OGG1: variants seen among roughly 807,000 people sequenced by gnomAD.
OGG1 encodes the protein 8-oxoguanine DNA glycosylase, also known as N-glycosylase/DNA lyase.
A neutral mutation model predicts 42.3 loss-of-function variants in OGG1; 35 were observed. The observed-to-expected ratio is 0.83, with a 90% CI of 0.63 to 1.10. OGG1 has a LOEUF of 1.10. Ranked by LOEUF, OGG1 falls within the 50% of genes least tolerant of loss-of-function variation. The pLI is 0.00. For missense variants in OGG1, 484 were observed against 446.7 expected (o/e 1.08, Z -0.75); for synonymous variants, 189 against 179.0 (o/e 1.06, Z -0.44).
chr3:9,787,810 T>C, exon 4 of OGG1: 1 of 918,060 alleles, frequency 1.1e-6, no homozygotes, highest in South Asian at 1.4e-5. Flanking sequence ...ACTGACTAAC[T>C]TTCTGCTGGG....
At chr3:9,777,394 G>GT (rs1460755485) in intron 2 of OGG1, among the ~76,000 whole-genome samples, 4 of 152,200 alleles carry the variant, frequency 2.6e-5, no homozygotes, top group Admixed American at 1.3e-4. Flanking sequence ...TGATATGATT[G>GT]TAAGAACTCT....
At position 9,751,833 on chromosome 3, in the gene OGG1, A is replaced by C; in HGVS notation, c.449A>C (p.Asn150Thr). 4 of 1,614,216 alleles carry C rather than the reference A, an allele frequency of 2.5e-6. No individual in the cohort carries two copies. The highest frequency in any genetic ancestry group is 3.4e-6 in the Non-Finnish European group (4 of 1,180,044). Residue 150 changes from asparagine to threonine, a missense_variant, in exon 3 of 7, where the codon AAC becomes ACC. Physicochemically the swap from Asn to Thr is moderately conservative, Grantham distance 65 (BLOSUM62 0). Transcript: ENST00000344629. ...CLFSFICSSNNNIARITGMVE... is the reference protein window; with the variant it reads ...CLFSFICSSNTNIARITGMVE... The stretch of plus-strand genomic sequence containing the variant: ...TTCTCTTTTATCTGTTCCTCCAACA[A>C]CAACATCGCCCGCATCACTGGCATG...
chr3:9,789,772 A>C, downstream of OGG1: 1 of 1,614,206 alleles, frequency 6.2e-7, no homozygotes, highest in South Asian at 1.1e-5. Flanking sequence ...CAGTGAATTC[A>C]TATTCCTGGA....
chr3:9,759,391 G>C, downstream of OGG1: 1 of 1,571,046 alleles, frequency 6.4e-7, no homozygotes, highest in South Asian at 1.1e-5. Context: ...GTTACTGTGT[G>C]CCCAGTGTGA....
chr3:9,755,273 A>G (rs1344005600), intron 4 of OGG1, among the ~76,000 whole-genome samples: 1 of 152,062 alleles, frequency 6.6e-6, no homozygotes, highest in Non-Finnish European at 1.5e-5. Context: ...AATGTTGCCT[A>G]GGCTGGTCTT....
chr3:9,772,000 A>G (rs890643183), intron 2 of OGG1, among the ~76,000 whole-genome samples: 3 of 151,752 alleles, frequency 2.0e-5, no homozygotes, highest in Non-Finnish European at 2.9e-5. Context: ...TATTTTTAGT[A>G]GAGATGGGGG....
At chr3:9,760,229 C>T (rs906030805), downstream of OGG1, 6 of 182,012 alleles carry the variant, frequency 3.3e-5, no homozygotes, top group Non-Finnish European at 5.8e-5. Context: ...GGCAACAGAG[C>T]GAGACTGCGT....
At chr3:9,768,750 A>C (rs965597477), downstream of OGG1, among the ~76,000 whole-genome samples, 4 of 152,206 alleles carry the variant, frequency 2.6e-5, no homozygotes, top group Non-Finnish European at 2.9e-5. Flanking sequence ...CAGGGAGAGC[A>C]CTTTCCTTCT....
Position 9,750,304 on chromosome 3 carries a change from T to G in OGG1, c.18T>G (p.Leu6=), listed in dbSNP as rs1192113595. ...CTGTGGAAATGCCTGCCCGCGCGCT[T>G]CTGCCCAGGCGCATGGGGCATCGTA... MPARA[L]LPRRMGHRTL... The change falls in exon 1 of 7, where the codon CTT becomes CTG. Residue 6 remains leucine (L), a synonymous_variant. Coordinates refer to ENST00000344629, the MANE Select transcript of OGG1 (RefSeq NM_002542.6). 1 of 1,612,344 alleles carries G rather than the reference T, an allele frequency of 6.2e-7. No homozygotes were observed. Among genetic ancestry groups the G allele is most frequent in the African/African-American group, 1.3e-5 (1 of 75,026 alleles).
chr3:9,763,012 C>T, intron 7 of OGG1: 1 of 1,614,132 alleles, frequency 6.2e-7, no homozygotes, highest in East Asian at 2.2e-5. Flanking sequence ...GTGTAGAAGC[C>T]TTTTTCCACA....
chr3:9,781,761 C>T (rs969960381), intron 3 of OGG1, among the ~76,000 whole-genome samples: 1 of 151,770 alleles, frequency 6.6e-6, no homozygotes, highest in Non-Finnish European at 1.5e-5. Context: ...CTTGCAGCTG[C>T]TCTGCAGCAG....
In OGG1 at chr3:9,756,459, T is replaced by C. The variant is rs770377872; in HGVS notation, c.748-12T>C. On this transcript the variant is annotated splice_polypyrimidine_tract_variant and intron_variant, in intron 4 of 6. Transcript: ENST00000344629. ...CCTTCTTCCACAAGGGCTCATTCTG[T>C]GTCTGTCAAAGGTGGCTGACTGCAT... 2.5e-6 allele frequency: 4 copies of C among 1,614,036 alleles called. No individual in the cohort carries two copies. The South Asian group carries it at 4.4e-5, about 18-fold the overall frequency.
chr3:9,785,468 C>T (rs1441008655), intron 3 of OGG1: 3 of 1,352,214 alleles, frequency 2.2e-6, no homozygotes, highest in East Asian at 2.3e-5. Context: ...ATAGCTGTTC[C>T]ACTTTCCTGC....
intron 2 of OGG1, among the ~76,000 whole-genome samples, chr3:9,779,307 G>C (rs1170187732): frequency 1.3e-5 from 2 of 152,200 alleles, no homozygotes; most frequent in African/African-American, 4.8e-5. Flanking sequence ...ACTGAAACAT[G>C]ATGGTATCTG....
At position 9,785,375 on chromosome 3, in the gene OGG1, C is replaced by T. The variant is rs61751574; in HGVS notation, c.383-2353C>T. ...TTGCCCCGTCAGCCCCTGATTCTTT[C>T]CCAGACATGTCAGGAATAGGAGAAT... On this transcript the variant is annotated intron_variant, in intron 3 of 3. Transcript: ENST00000426518. 1.1e-3 allele frequency: 1,845 copies of T among 1,614,006 alleles called. 8 individuals carry two copies. In the Middle Eastern group the frequency reaches 0.019, roughly 17 times the overall value.
intron 2 of OGG1, among the ~76,000 whole-genome samples, chr3:9,772,831 G>A (rs1454277446): frequency 2.6e-5 from 4 of 152,148 alleles, no homozygotes; most frequent in Non-Finnish European, 4.4e-5. Flanking sequence ...ACTCTCAGCC[G>A]GGCCCCCACC....
rs948877184 is a variant in OGG1 at position 9,756,472 on chromosome 3, T to C, written c.749T>C (p.Val250Ala). ...LCILPGVGTK[V>A]ADCICLMALD... ...GGGCTCATTCTGTGTCTGTCAAAGG[T>C]GGCTGACTGCATCTGCCTGATGGCC... Residue 250 changes from valine (V) to alanine (A), a missense_variant and splice_region_variant, in exon 5 of 7, where the codon GTG becomes GCG. Transcript: ENST00000344629. 3 of 1,614,038 alleles carry C rather than the reference T, an allele frequency of 1.9e-6. No individual in the cohort carries two copies. In the African/African-American group the frequency reaches 4.0e-5, roughly 22 times the overall value.
chr3:9,776,640 C>T (rs2675264), intron 2 of OGG1, among the ~76,000 whole-genome samples: 6,842 of 152,124 alleles, frequency 0.045, 218 homozygotes, highest in East Asian at 0.073. Flanking sequence ...CCGCCCGCCT[C>T]GGCCTCCCAA....
At chr3:9,771,222 A>G (rs1173114709), downstream of OGG1, among the ~76,000 whole-genome samples, 1 of 151,648 alleles carries the variant, frequency 6.6e-6, no homozygotes, top group African/African-American at 2.4e-5. Flanking sequence ...TGGGGATCTC[A>G]CTATATTGCC....
Sources: gnomAD v4.1 joint callset for allele counts (sites outside exome capture counted in the v4.1 genomes callset) on GRCh38, gnomAD v4.1.1 for gene constraint, MANE v1.5 for transcripts, NCBI Gene and HGNC (gene_info 2026-07-23, HGNC 2026-07-21) for gene names.